LCORL: variants seen among roughly 807,000 people sequenced by gnomAD.
LCORL encodes the protein ligand-dependent nuclear receptor corepressor-like protein.
LCORL carries 41 observed loss-of-function variants against 141.8 expected under a neutral mutation model. That is an observed-to-expected ratio of 0.29 (90% CI 0.23 to 0.38). The LOEUF (loss-of-function observed/expected upper bound fraction) is 0.38, where lower values mean the gene tolerates loss of function less well. LCORL is among the 10% of genes least tolerant of loss of function. LCORL has a pLI of 1.00. For missense variants in LCORL, 1,759 were observed against 2,035.0 expected (o/e 0.86, Z 2.61); for synonymous variants, 618 against 694.1 (o/e 0.89, Z 1.72).
intron 4 of LCORL, among the ~76,000 whole-genome samples, chr4:17,959,878 G>A (rs991650209): frequency 6.6e-6 from 1 of 152,080 alleles, no homozygotes; most frequent in Non-Finnish European, 1.5e-5. Context: ...AGACTCAGAA[G>A]TATTTCCTGT....
chr4:17,919,153 G>A (rs1212965269), intron 4 of LCORL, among the ~76,000 whole-genome samples: 2 of 152,052 alleles, frequency 1.3e-5, no homozygotes, highest in East Asian at 3.9e-4. Flanking sequence ...TAACCTAGAT[G>A]AAATGGCCAA....
chr4:17,896,975 T>G (rs915490221), intron 5 of LCORL, among the ~76,000 whole-genome samples: 1 of 152,118 alleles, frequency 6.6e-6, no homozygotes, highest in South Asian at 2.1e-4. Context: ...CATGAAAAGT[T>G]TGTCCTTCTG....
In LCORL at chr4:17,884,091, G is replaced by T; in HGVS notation, c.776+1977C>A. On this transcript the variant is annotated intron_variant, in intron 6 of 7. Coordinates refer to ENST00000635767, the Ensembl canonical transcript of LCORL. This position sits in a 1 kb window ranked among gnomAD's most constrained non-coding sequence, Gnocchi z 4.4. Reference sequence around the variant, plus strand: ...CACAAAGGAGAGAGGTCCCCATGTAGAAAGTAAGAGTCAACACTTGAGTGA... The same window carrying T: ...CACAAAGGAGAGAGGTCCCCATGTATAAAGTAAGAGTCAACACTTGAGTGA... 6.4e-7 allele frequency: 1 copy of T among 1,550,702 alleles called. No individual in the cohort carries two copies. Among genetic ancestry groups the T allele is most frequent in the South Asian group, 1.2e-5 (1 of 84,032 alleles).
intron 2 of LCORL, among the ~76,000 whole-genome samples, chr4:17,967,609 T>C (rs930501252): frequency 6.6e-6 from 1 of 152,196 alleles, no homozygotes; most frequent in Non-Finnish European, 1.5e-5. Flanking sequence ...CCACAAATAT[T>C]TCCCATACTC....
At position 18,021,555 on chromosome 4, in the gene LCORL, G is replaced by A. The variant is rs766958449; in HGVS notation, c.154+43C>T. 19 of 1,493,126 alleles carry A rather than the reference G, an allele frequency of 1.3e-5. No individual in the cohort carries two copies. In the South Asian group the frequency reaches 1.9e-4, roughly 15 times the overall value. 92.5% of individuals were successfully genotyped at this position (1,493,126 alleles called of 1,614,324 possible). A position where few individuals can be genotyped will look rare whatever the true frequency, so the allele number is the denominator to read the frequency against. On this transcript the variant is annotated intron_variant, in intron 1 of 7. Transcript: ENST00000635767. The surrounding 1 kb of genome is among the most constrained non-coding windows in gnomAD (Gnocchi z 5.5). ...ACAAACTCCTCGGGCTGCGACAGCG[G>A]TCGCCGCGCGGAGCCCGGGGCCCCG... is the stretch of plus-strand genomic sequence containing the variant.
chr4:17,954,130 T>C (rs551826421), intron 4 of LCORL, among the ~76,000 whole-genome samples: 1 of 152,262 alleles, frequency 6.6e-6, no homozygotes, highest in East Asian at 1.9e-4. Flanking sequence ...GCTACTGCAC[T>C]CCAGCCTGGG....
intron 5 of LCORL, among the ~76,000 whole-genome samples, chr4:17,908,174 AG>A (rs1408256170): frequency 6.6e-6 from 1 of 152,098 alleles, no homozygotes; most frequent in African/African-American, 2.4e-5. Context: ...CTGGTATTAC[AG>A]GCATGTGCCA....
intron 7 of LCORL, among the ~76,000 whole-genome samples, chr4:17,856,510 A>G (rs1344630298): frequency 6.6e-6 from 1 of 152,182 alleles, no homozygotes; most frequent in Non-Finnish European, 1.5e-5. Context: ...CTTTGAGAAA[A>G]TAATTTTCTG....
rs117999589 is a variant in LCORL, at chr4:17,988,526, T to C, written c.155-15641A>G. 3.2e-4 allele frequency among the ~76,000 whole-genome samples: 48 copies of C among 152,330 alleles called. 1 individual carries two copies. In the East Asian group the frequency reaches 8.7e-3, roughly 28 times the overall value. ...TTTAGACTTTCCATTCATCTGCTCA[T>C]CTACTCCTAAGCTAATACCACAGTA... On this transcript the variant is annotated intron_variant, in intron 1 of 7. Coordinates refer to ENST00000635767, the Ensembl canonical transcript of LCORL.
chr4:17,986,266 G>A (rs1718951832), intron 1 of LCORL, among the ~76,000 whole-genome samples: 1 of 152,070 alleles, frequency 6.6e-6, no homozygotes, highest in African/African-American at 2.4e-5. Flanking sequence ...ATCTTTCAGG[G>A]GTTCTCTGTA....
At chr4:18,006,797 G>A (rs1430143664) in intron 1 of LCORL, among the ~76,000 whole-genome samples, 1 of 152,108 alleles carries the variant, frequency 6.6e-6, no homozygotes, top group African/African-American at 2.4e-5. Flanking sequence ...AATTGTGGGA[G>A]TTACAATTCA....
chr4:17,956,437 G>A (rs1315849796), intron 4 of LCORL, among the ~76,000 whole-genome samples: 3 of 151,916 alleles, frequency 2.0e-5, no homozygotes, highest in Non-Finnish European at 4.4e-5. Flanking sequence ...AAGAAAATGT[G>A]GTATATCTAC....
At chr4:17,902,481 A>G (rs1259921602) in intron 5 of LCORL, among the ~76,000 whole-genome samples, 2 of 152,192 alleles carry the variant, frequency 1.3e-5, no homozygotes, top group African/African-American at 4.8e-5. Context: ...CAAGATAGAC[A>G]ATTTCGTTAG....
intron 4 of LCORL, among the ~76,000 whole-genome samples, chr4:17,938,702 C>T (rs578126263): frequency 8.5e-5 from 13 of 152,088 alleles, no homozygotes; most frequent in South Asian, 4.2e-4. Flanking sequence ...TGTGAGCCAC[C>T]GCGCCCGGCC....
chr4:17,879,400 A>T (rs1482453477), intron 6 of LCORL, among the ~76,000 whole-genome samples: 1 of 151,086 alleles, frequency 6.6e-6, no homozygotes, highest in Non-Finnish European at 1.5e-5. Flanking sequence ...ACTTTACTAG[A>T]TTCATCCAAT....
At chr4:17,935,303 G>A (rs528601953) in intron 4 of LCORL, among the ~76,000 whole-genome samples, 1 of 148,668 alleles carries the variant, frequency 6.7e-6, no homozygotes, top group Non-Finnish European at 1.5e-5. Context: ...GTCTTTTGTA[G>A]CTTAGAAAAT....
intron 2 of LCORL, among the ~76,000 whole-genome samples, chr4:17,967,479 G>A (rs1031277014): frequency 1.3e-5 from 2 of 152,088 alleles, no homozygotes; most frequent in Admixed American, 6.6e-5. Flanking sequence ...GAAGGCAGAG[G>A]AAAGAGAGTA....
intron 5 of LCORL, among the ~76,000 whole-genome samples, chr4:17,889,889 T>C (rs1402621137): frequency 2.0e-5 from 3 of 152,086 alleles, no homozygotes; most frequent in Admixed American, 2.0e-4. Flanking sequence ...GATAAAAATC[T>C]GTTTAAAATC....
At chr4:17,847,016 A>G (rs1398209955) in intron 7 of LCORL, among the ~76,000 whole-genome samples, 1 of 152,212 alleles carries the variant, frequency 6.6e-6, no homozygotes, top group Non-Finnish European at 1.5e-5. Flanking sequence ...CATTTATAAA[A>G]AGCCTGTTGT....
Sources: allele counts gnomAD v4.1 joint callset (sites outside exome capture counted in the v4.1 genomes callset), GRCh38; gene constraint gnomAD v4.1.1; non-coding constraint Gnocchi (gnomAD v3.1); transcripts MANE v1.5; gene names NCBI Gene and HGNC (gene_info 2026-07-23, HGNC 2026-07-21).